Variants in ATG5 observed in about 807,000 individuals in gnomAD.
ATG5 encodes autophagy protein 5.
ATG5 carries 14 observed loss-of-function variants against 36.5 expected under a neutral mutation model. The ratio of observed to expected loss-of-function variants is 0.38; its 90% confidence interval spans 0.25 to 0.60. The LOEUF (loss-of-function observed/expected upper bound fraction) is 0.60, where lower values mean the gene tolerates loss of function less well. ATG5 is among the 20% of genes least tolerant of loss of function. ATG5 has a pLI of 0.60. For synonymous variants in ATG5, 95 were observed against 101.5 expected (o/e 0.94, Z 0.38); for missense variants, 195 against 326.7 (o/e 0.60, Z 3.11).
intron 2 of ATG5, among the ~76,000 whole-genome samples, chr6:106,313,921 G>GTT: frequency 6.6e-6 from 1 of 152,216 alleles, no homozygotes; most frequent in East Asian, 1.9e-4. Flanking sequence ...GTGCCATATG[G>GTT]TTTTAAATTC....
chr6:106,276,681 A>G (rs1270016218), intron 5 of ATG5, among the ~76,000 whole-genome samples: 3 of 152,154 alleles, frequency 2.0e-5, no homozygotes, highest in Non-Finnish European at 2.9e-5. Flanking sequence ...GCCATTCACA[A>G]TAGACTCTAA....
At chr6:106,229,791 C>T (rs1202540539) in intron 6 of ATG5, among the ~76,000 whole-genome samples, 1 of 152,264 alleles carries the variant, frequency 6.6e-6, no homozygotes, top group African/African-American at 2.4e-5. Flanking sequence ...CAATCTGTAG[C>T]GGCAACTGCT....
At chr6:106,254,791 C>G (rs1778736579) in intron 5 of ATG5, among the ~76,000 whole-genome samples, 1 of 152,124 alleles carries the variant, frequency 6.6e-6, no homozygotes, top group South Asian at 2.1e-4. Context: ...GAAAAGTGGC[C>G]CTGCCAAAAC....
chr6:106,218,189 T>C, intron 6 of ATG5, among the ~76,000 whole-genome samples: 1 of 152,168 alleles, frequency 6.6e-6, no homozygotes, highest in East Asian at 1.9e-4. Flanking sequence ...ACTGTACTTA[T>C]TTTAAATCCC....
chr6:106,261,514 A>T (rs1779016496), intron 5 of ATG5, among the ~76,000 whole-genome samples: 1 of 152,246 alleles, frequency 6.6e-6, no homozygotes. Flanking sequence ...CCACACTGTG[A>T]ACTTTGAAAC....
intron 6 of ATG5, among the ~76,000 whole-genome samples, chr6:106,247,243 C>T (rs1001520047): frequency 1.3e-5 from 2 of 152,098 alleles, no homozygotes; most frequent in African/African-American, 4.8e-5. Flanking sequence ...AAGCCTGTGA[C>T]ATTATGCTTC....
At chr6:106,313,084 G>A (rs1770712702) in intron 2 of ATG5, among the ~76,000 whole-genome samples, 1 of 152,190 alleles carries the variant, frequency 6.6e-6, no homozygotes, top group Non-Finnish European at 1.5e-5. Flanking sequence ...GAAGGCAGAG[G>A]TGGAGGTGGG....
chr6:106,252,010 T>G (rs561929222), intron 5 of ATG5, among the ~76,000 whole-genome samples: 20 of 152,008 alleles, frequency 1.3e-4, no homozygotes, highest in Non-Finnish European at 2.6e-4. Context: ...CCGGCTAATT[T>G]TTGTATTTTT....
chr6:106,195,686 T>C (rs1002471719), intron 7 of ATG5, among the ~76,000 whole-genome samples: 5 of 151,928 alleles, frequency 3.3e-5, no homozygotes, highest in Non-Finnish European at 7.4e-5. Context: ...AAGAGAAGCA[T>C]TTGACAGTTT....
At chr6:106,322,958 C>T (rs1389819191) in intron 1 of ATG5, among the ~76,000 whole-genome samples, 1 of 152,122 alleles carries the variant, frequency 6.6e-6, no homozygotes, top group Non-Finnish European at 1.5e-5. Context: ...CTCGCTCTGT[C>T]GCCCAGGCTG....
At chr6:106,305,111 G>T (rs886721550) in intron 3 of ATG5, among the ~76,000 whole-genome samples, 5 of 149,694 alleles carry the variant, frequency 3.3e-5, no homozygotes, top group African/African-American at 1.2e-4. Flanking sequence ...AAAAAAAGAT[G>T]AATTTTATTC....
chr6:106,207,410 T>C (rs1776674252), intron 6 of ATG5, among the ~76,000 whole-genome samples: 1 of 152,130 alleles, frequency 6.6e-6, no homozygotes, highest in African/African-American at 2.4e-5. Context: ...ATAATGTGTG[T>C]TACAGCTATA....
chr6:106,233,834 C>T (rs1261394203), intron 6 of ATG5, among the ~76,000 whole-genome samples: 2 of 152,080 alleles, frequency 1.3e-5, no homozygotes, highest in Non-Finnish European at 2.9e-5. Flanking sequence ...CACTGCACCC[C>T]CTCCATGCTG....
intron 6 of ATG5, among the ~76,000 whole-genome samples, chr6:106,206,324 C>T (rs916185028): frequency 3.4e-4 from 51 of 152,200 alleles, no homozygotes; most frequent in African/African-American, 1.1e-3. Context: ...CACCAGAAAC[C>T]GAATCTGTTG....
At chr6:106,262,182 C>T (rs1779045661) in intron 5 of ATG5, among the ~76,000 whole-genome samples, 1 of 152,200 alleles carries the variant, frequency 6.6e-6, no homozygotes, top group African/African-American at 2.4e-5. Flanking sequence ...AAGTGATTCT[C>T]CTGCCTCAGC....
In ATG5 at chr6:106,316,278, A is replaced by G; in HGVS notation, c.-58-12T>C. The G allele has an allele frequency of 8.4e-7, 1 of 1,186,534 alleles. No individual in the cohort carries two copies. The highest frequency in any genetic ancestry group is 1.3e-5 in the South Asian group (1 of 78,370). The allele number at this position is 1,186,534 out of a possible 1,614,324, so 73.5% of individuals were successfully genotyped here. On this transcript the variant is annotated splice_polypyrimidine_tract_variant and intron_variant, in intron 1 of 7. Transcript: ENST00000369076. The stretch of plus-strand genomic sequence containing the variant: ...CAACCAAAGCCAAACTGAAAATAAA[A>G]TGAAGAGCATTAGTCAGATCCTTGC...
At chr6:106,280,955 A>G (rs1582648000) in intron 4 of ATG5, among the ~76,000 whole-genome samples, 2 of 152,292 alleles carry the variant, frequency 1.3e-5, no homozygotes, top group East Asian at 1.9e-4. Flanking sequence ...TTATTATCCT[A>G]TATGTCCTTT....
chr6:106,254,019 A>AC (rs2114531441), intron 5 of ATG5, among the ~76,000 whole-genome samples: 1 of 152,264 alleles, frequency 6.6e-6, no homozygotes, highest in East Asian at 1.9e-4. Flanking sequence ...CTCACTGTCT[A>AC]CCTTACTAAC....
intron 7 of ATG5, among the ~76,000 whole-genome samples, chr6:106,196,774 G>A (rs917962256): frequency 2.0e-5 from 3 of 149,514 alleles, no homozygotes; most frequent in African/African-American, 7.4e-5. Flanking sequence ...ATTCTTTAAA[G>A]AAGTAAAATA....
Sources: gnomAD v4.1 joint callset for allele counts (sites outside exome capture counted in the v4.1 genomes callset) on GRCh38, gnomAD v4.1.1 for gene constraint, MANE v1.5 for transcripts, NCBI Gene and HGNC (gene_info 2026-07-23, HGNC 2026-07-21) for gene names.